CD5L: variants seen among roughly 807,000 people sequenced by gnomAD.
The protein encoded by CD5L is CD5 antigen-like.
CD5L carries 39 observed loss-of-function variants against 40.8 expected under a neutral mutation model. The ratio of observed to expected loss-of-function variants is 0.96; its 90% CI spans 0.74 to 1.25. CD5L has a LOEUF of 1.25. Ranked by LOEUF, CD5L falls within the 50% of genes most tolerant of loss-of-function variation. The pLI is 0.00. For synonymous variants in CD5L, 192 were observed against 169.6 expected, an observed-to-expected ratio of 1.13 and a Z score of -1.03; for missense variants, 433 against 435.9, an observed-to-expected ratio of 0.99 and a Z score of 0.06.
At position 157,831,440 on chromosome 1, in the gene CD5L, G is replaced by GA. The variant is rs75445239; in HGVS notation, c.*523dup. ...CTATTGTGGTCACCTGAAGCTTGAGGAAAAAAAAAAAAAGTAGTCCAATCA... is the reference window on the plus strand; with the variant it reads ...CTATTGTGGTCACCTGAAGCTTGAGGAAAAAAAAAAAAAAGTAGTCCAATCA... On this transcript the variant is annotated 3_prime_UTR_variant, in exon 6 of 6. Transcript: ENST00000368174. The GA allele has an allele frequency of 0.051, 31,599 of 614,482 alleles. No homozygotes were observed. Among genetic ancestry groups the GA allele is most frequent in the Non-Finnish European group, 0.058 (28,817 of 496,606 alleles). The allele number at this position is 614,482 out of a possible 1,614,324, so 38.1% of individuals were successfully genotyped here.
chr1:157,834,752 A>T lies in CD5L; in HGVS notation c.377-4T>A, dbSNP rs1232392947. On this transcript the variant is annotated splice_polypyrimidine_tract_variant and splice_region_variant and intron_variant, in intron 3 of 5. Transcript: ENST00000368174. ...GGGGAGAAAGAGCTCTCTGGGTCTG[A>T]GGGGAAAGAAAGAGAGCGTGTCTGT... The T allele has an allele frequency of 1.7e-5, 27 of 1,609,524 alleles. No individual in the cohort carries two copies. The East Asian group carries it at 4.9e-4, about 29-fold the overall frequency.
intron 3 of CD5L, 85 bp from the exon 4 acceptor site, chr1:157,834,833 G>T: frequency 9.8e-7 from 1 of 1,017,158 alleles, no homozygotes; most frequent in Middle Eastern, 2.7e-4. Flanking sequence ...ACATCTCACA[G>T]TTCTTGGTGT....
chr1:157,831,932 C>A lies in CD5L; in HGVS notation c.*32G>T. On this transcript the variant is annotated 3_prime_UTR_variant, in exon 6 of 6. Coordinates refer to ENST00000368174, the MANE Select transcript of CD5L (RefSeq NM_005894.3). Reference sequence around the variant, plus strand: ...GAGAACAAGCAGAGGGCAGGCGGGGCCAGGGGGGCCAGGTCAAGCAACACC... The same window carrying A: ...GAGAACAAGCAGAGGGCAGGCGGGGACAGGGGGGCCAGGTCAAGCAACACC... 1.9e-6 allele frequency: 3 copies of A among 1,564,224 alleles called. No homozygotes were observed. Among genetic ancestry groups the A allele is most frequent in the South Asian group, 2.5e-5 (2 of 81,432 alleles).
At chr1:157,841,021 T>C (rs1048000277) in intron 1 of CD5L, among the ~76,000 whole-genome samples, 3 of 152,062 alleles carry the variant, frequency 2.0e-5, no homozygotes, top group Non-Finnish European at 4.4e-5. Flanking sequence ...ATGCTTTATA[T>C]TAGTTATCTT....
chr1:157,828,278 T>C (rs1193550122), downstream of CD5L, among the ~76,000 whole-genome samples: 1 of 152,198 alleles, frequency 6.6e-6, no homozygotes, highest in Non-Finnish European at 1.5e-5. Context: ...CAATTCATCT[T>C]ACTTGGTCCA....
In CD5L at chr1:157,833,324, G is replaced by A; in HGVS notation, c.907C>T (p.Pro303Ser). 6.2e-7 allele frequency: 1 copy of A among 1,614,062 alleles called. No homozygotes were observed. Among genetic ancestry groups the A allele is most frequent in the Non-Finnish European group, 8.5e-7 (1 of 1,180,034 alleles). Residue 303 changes from proline to serine, a missense_variant, in exon 5 of 6, where the codon CCT becomes TCT. Coordinates refer to ENST00000368174, the MANE Select transcript of CD5L (RefSeq NM_005894.3). ...PSFRDRKCYGPGVGRIWLDNV... is the reference protein window; with the variant it reads ...PSFRDRKCYGSGVGRIWLDNV... ...TCCAGCCAGATGCGGCCAACCCCAG[G>A]GCCATAGCATTTCCGGTCTCTGAAG...
chr1:157,828,515 T>C (rs1177358635), downstream of CD5L, among the ~76,000 whole-genome samples: 1 of 152,146 alleles, frequency 6.6e-6, no homozygotes, highest in Admixed American at 6.5e-5. Context: ...GGAGCAACTC[T>C]CAATCAATGG....
At chr1:157,836,477 T>C (rs1368269819) in intron 2 of CD5L, among the ~76,000 whole-genome samples, 5 of 152,130 alleles carry the variant, frequency 3.3e-5, no homozygotes, top group Non-Finnish European at 5.9e-5. Flanking sequence ...TCTCTGGCGG[T>C]CAGAATCAGA....
Position 157,831,470 on chromosome 1 carries a change from A to G in CD5L, c.*494T>C. On this transcript the variant is annotated 3_prime_UTR_variant, in exon 6 of 6. Transcript: ENST00000368174. ...AAAAAAAAAGTAGTCCAATCAAAAG[A>G]ATTCTAAACTTTCCCCCAAGTTGCA... 1 of 985,852 alleles carries G rather than the reference A, an allele frequency of 1.0e-6. No homozygotes were observed. Among genetic ancestry groups the G allele is most frequent in the Non-Finnish European group, 1.2e-6 (1 of 830,298 alleles). 61.1% of individuals were successfully genotyped at this position (985,852 alleles called of 1,614,324 possible).
rs756631443 is a variant in CD5L at position 157,835,846 on chromosome 1, G to A, written c.365C>T (p.Ala122Val). 1.9e-6 allele frequency: 3 copies of A among 1,611,838 alleles called. No individual in the cohort carries two copies. The highest frequency in any genetic ancestry group is 2.5e-6 in the Non-Finnish European group (3 of 1,178,828). The change falls in exon 3 of 6, where the codon GCA becomes GTA. Residue 122 changes from alanine to valine, a missense_variant. By Grantham distance (64) the Ala-to-Val change is moderately conservative. Transcript: ENST00000368174. ...CCTGCCATACTCACTCTCACACGAT[G>A]CCCCAGCATCTTCATCATGTGAACA... Reference protein sequence around the residue: ...YDCSHDEDAGASCENPESSFS... With the variant: ...YDCSHDEDAGVSCENPESSFS...
chr1:157,836,026 C>A lies in CD5L; in HGVS notation c.185G>T (p.Cys62Phe). The A allele has an allele frequency of 6.2e-7, 1 of 1,614,200 alleles. No homozygotes were observed. Among genetic ancestry groups the A allele is most frequent in the South Asian group, 1.1e-5 (1 of 91,082 alleles). Residue 62 changes from cysteine to phenylalanine, a missense_variant, in exon 3 of 6, where the codon TGC becomes TTC. By Grantham distance (205) the Cys-to-Phe change is radical (BLOSUM62 -2). Coordinates refer to ENST00000368174, the MANE Select transcript of CD5L (RefSeq NM_005894.3). The part of the protein sequence containing the change: ...GWDIKDVAVL[C>F]RELGCGAASG... ...GGCAGCTCCACAGCCCAGCTCCCGG[C>A]ACAACACAGCCACGTCCTTAATGTC...
At position 157,831,451 on chromosome 1, in the gene CD5L, AAAG is replaced by A; in HGVS notation, c.*510_*512del. The stretch of plus-strand genomic sequence containing the variant: ...ACCTGAAGCTTGAGGAAAAAAAAAA[AAAG>A]TAGTCCAATCAAAAGAATTCTAAAC... On this transcript the variant is annotated 3_prime_UTR_variant, in exon 6 of 6. Coordinates refer to ENST00000368174, the MANE Select transcript of CD5L (RefSeq NM_005894.3). 9.1e-6 allele frequency: 9 copies of A among 985,538 alleles called. No homozygotes were observed. The highest frequency in any genetic ancestry group is 9.6e-6 in the Non-Finnish European group (8 of 830,016). 61.0% of individuals were successfully genotyped at this position (985,538 alleles called of 1,614,324 possible).
chr1:157,831,168 C>A lies in CD5L; in HGVS notation c.*796G>T, dbSNP rs1340879356. 80 of 985,082 alleles carry A rather than the reference C, an allele frequency of 8.1e-5. No homozygotes were observed. The highest frequency in any genetic ancestry group is 9.6e-5 in the Non-Finnish European group (80 of 829,766). The allele number at this position is 985,082 out of a possible 1,614,324, so 61.0% of individuals were successfully genotyped here. ...GATCTCTTTCTGCCTCTTTCTTGACCTTTTCCCAGTAACCAATATATTTTT... is the reference window on the plus strand; with the variant it reads ...GATCTCTTTCTGCCTCTTTCTTGACATTTTCCCAGTAACCAATATATTTTT... On this transcript the variant is annotated 3_prime_UTR_variant, in exon 6 of 6. Coordinates refer to ENST00000368174, the MANE Select transcript of CD5L (RefSeq NM_005894.3).
At chr1:157,832,116 C>G in intron 5 of CD5L, 148 bp from the exon 6 acceptor site, 1 of 552,328 alleles carries the variant, frequency 1.8e-6, no homozygotes, top group East Asian at 3.1e-5. Context: ...CTGATGTGAG[C>G]CAGGCCAGAA....
chr1:157,834,676 C>A lies in CD5L; in HGVS notation c.449G>T (p.Arg150Leu), dbSNP rs879069186. ...LADGPGHCKG[R>L]VEVKHQNQWY... ...CTGGTTCTGGTGCTTCACTTCCACGCGTCCCTTGCAATGCCCAGGGCCGTC... is the reference window on the plus strand; with the variant it reads ...CTGGTTCTGGTGCTTCACTTCCACGAGTCCCTTGCAATGCCCAGGGCCGTC... Residue 150 changes from arginine to leucine, a missense_variant, in exon 4 of 6, where the codon CGC becomes CTC. Arg to Leu is a moderately radical substitution (Grantham distance 102). Transcript: ENST00000368174. 1.2e-6 allele frequency: 2 copies of A among 1,614,182 alleles called. No homozygotes were observed. The highest frequency in any genetic ancestry group is 1.7e-6 in the Non-Finnish European group (2 of 1,180,028).
downstream of CD5L, among the ~76,000 whole-genome samples, chr1:157,827,416 G>T (rs150284322): frequency 7.4e-4 from 113 of 152,216 alleles, 1 homozygote; most frequent in African/African-American, 2.7e-3. Context: ...TCCAAACTAT[G>T]TCTGATGGCC....
intron 1 of CD5L, among the ~76,000 whole-genome samples, chr1:157,839,858 T>A (rs1656317362): frequency 3.9e-5 from 6 of 152,146 alleles, no homozygotes; most frequent in Admixed American, 3.9e-4. Flanking sequence ...ATGCCTGTGT[T>A]CATCGGCACA....
intron 1 of CD5L, among the ~76,000 whole-genome samples, chr1:157,839,945 G>A (rs553125269): frequency 8.5e-5 from 13 of 152,306 alleles, no homozygotes; most frequent in Middle Eastern, 3.4e-3. Flanking sequence ...GCCATACAGT[G>A]TCTGTTGCAA....
intron 5 of CD5L, among the ~76,000 whole-genome samples, chr1:157,832,267 A>G (rs1201139431): frequency 1.3e-5 from 2 of 152,196 alleles, no homozygotes; most frequent in African/African-American, 4.8e-5. Context: ...ATTTCTACCC[A>G]TGGAAACACT....
Sources: allele counts gnomAD v4.1 joint callset (sites outside exome capture counted in the v4.1 genomes callset), GRCh38; gene constraint gnomAD v4.1.1; transcripts MANE v1.5; gene names NCBI Gene and HGNC (gene_info 2026-07-23, HGNC 2026-07-21).